The following GABRG3 variants were observed in gnomAD, a reference collection of about 807,000 sequenced individuals.
The protein encoded by GABRG3 is gamma-aminobutyric acid receptor subunit gamma-3.
GABRG3 carries 25 observed loss-of-function variants against 48.8 expected under a neutral mutation model. That is an observed-to-expected ratio of 0.51 (90% CI 0.37 to 0.72). The LOEUF is 0.72. Ranked by LOEUF, GABRG3 falls within the 30% of genes least tolerant of loss-of-function variation. The pLI is 0.00. For synonymous variants in GABRG3, 227 were observed against 217.6 expected, an observed-to-expected ratio of 1.04 and a Z score of -0.38; for missense variants, 394 against 577.9, an observed-to-expected ratio of 0.68 and a Z score of 3.26.
At chr15:27,210,691 G>A (rs1432797646) in intron 3 of GABRG3, among the ~76,000 whole-genome samples, 4 of 152,192 alleles carry the variant, frequency 2.6e-5, no homozygotes, top group Non-Finnish European at 5.9e-5. Flanking sequence ...TGCCATTTTG[G>A]AAGTCAAGTG....
Position 27,146,718 on chromosome 15 carries a change from C to T in GABRG3, c.270+119897C>T, listed in dbSNP as rs532982871. ...TATTGTTAAAATTAAGTTGGTTATG[C>T]GAGCTAGCTTATTGTAAATTAAGAT... On this transcript the variant is annotated intron_variant, in intron 3 of 9. Coordinates refer to ENST00000615808, the MANE Select transcript of GABRG3 (RefSeq NM_033223.5). Among the ~76,000 whole-genome samples the T allele has an allele frequency of 5.3e-5, 8 of 151,920 alleles. No individual in the cohort carries two copies. The South Asian group carries it at 8.3e-4, about 16-fold the overall frequency.
chr15:27,527,535 G>C lies in GABRG3; in HGVS notation c.968G>C (p.Cys323Ser). 1 of 1,614,004 alleles carries C rather than the reference G, an allele frequency of 6.2e-7. No individual in the cohort carries two copies. The highest frequency in any genetic ancestry group is 8.5e-7 in the Non-Finnish European group (1 of 1,179,908). Residue 323 changes from cysteine (C) to serine (S), a missense_variant, in exon 8 of 10, where the codon TGC becomes TCC. Coordinates refer to ENST00000615808, the MANE Select transcript of GABRG3 (RefSeq NM_033223.5). Reference protein sequence around the residue: ...VTAMDLFVTVCFLFVFAALME... With the variant: ...VTAMDLFVTVSFLFVFAALME... ...GCCATGGACCTTTTTGTGACCGTGT[G>C]CTTCCTGTTTGTCTTCGCCGCGCTG...
intron 3 of GABRG3, among the ~76,000 whole-genome samples, chr15:27,126,627 C>A (rs1183536520): frequency 6.6e-6 from 1 of 152,214 alleles, no homozygotes; most frequent in Non-Finnish European, 1.5e-5. Context: ...CCGAGCTCCC[C>A]TGCCCTCTGC....
chr15:27,261,605 AAT>A (rs555479764), intron 3 of GABRG3, among the ~76,000 whole-genome samples: 61 of 151,504 alleles, frequency 4.0e-4, no homozygotes, highest in African/African-American at 1.4e-3. Flanking sequence ...AAATATGTAA[AAT>A]ATTTTTAAAA....
intron 3 of GABRG3, among the ~76,000 whole-genome samples, chr15:27,046,460 G>A (rs1449516913): frequency 6.6e-6 from 1 of 152,162 alleles, no homozygotes; most frequent in Non-Finnish European, 1.5e-5. Flanking sequence ...GCTCACTCCT[G>A]TATTCTCCAG....
At chr15:27,396,442 A>T (rs376491364) in intron 5 of GABRG3, among the ~76,000 whole-genome samples, 10 of 152,360 alleles carry the variant, frequency 6.6e-5, no homozygotes, top group African/African-American at 2.2e-4. Flanking sequence ...AATTAAAACT[A>T]GATTGCAGTA....
chr15:27,316,106 C>T (rs953888179), intron 3 of GABRG3, among the ~76,000 whole-genome samples: 45 of 152,134 alleles, frequency 3.0e-4, no homozygotes, highest in African/African-American at 1.0e-3. Flanking sequence ...AAAAATGGGC[C>T]GGGCGCGGTG....
At chr15:27,182,164 G>T (rs1035543786) in intron 3 of GABRG3, among the ~76,000 whole-genome samples, 6 of 152,054 alleles carry the variant, frequency 3.9e-5, no homozygotes, top group Non-Finnish European at 8.8e-5. Context: ...TCAGCTCTGG[G>T]GATAGTCCCT....
Position 27,313,690 on chromosome 15 carries a change from T to A in GABRG3, c.271-13119T>A, listed in dbSNP as rs369652385. On this transcript the variant is annotated intron_variant, in intron 3 of 9. Coordinates refer to ENST00000615808, the MANE Select transcript of GABRG3 (RefSeq NM_033223.5). ...TCAGTAGCAGAAGGAAAATGTAAAATCATAAATATATTAAAATGAATAATT... is the reference window on the plus strand; with the variant it reads ...TCAGTAGCAGAAGGAAAATGTAAAAACATAAATATATTAAAATGAATAATT... 2.1e-4 allele frequency among the ~76,000 whole-genome samples: 32 copies of A among 152,016 alleles called. No individual in the cohort carries two copies. In the East Asian group the frequency reaches 6.2e-3, roughly 30 times the overall value.
At chr15:27,249,444 T>A (rs1890385270) in intron 3 of GABRG3, among the ~76,000 whole-genome samples, 1 of 152,150 alleles carries the variant, frequency 6.6e-6, no homozygotes, top group Non-Finnish European at 1.5e-5. Flanking sequence ...TGAGACCATC[T>A]CTGTTTTATC....
chr15:27,126,167 G>A (rs1430287316), intron 3 of GABRG3, among the ~76,000 whole-genome samples: 1 of 152,032 alleles, frequency 6.6e-6, no homozygotes, highest in Non-Finnish European at 1.5e-5. Context: ...GAGAGAACAG[G>A]GCTTCTTTAT....
At chr15:27,124,075 G>C (rs763413399) in intron 3 of GABRG3, among the ~76,000 whole-genome samples, 2 of 152,178 alleles carry the variant, frequency 1.3e-5, no homozygotes, top group African/African-American at 4.8e-5. Context: ...CAGCGGTGAG[G>C]AGGTCAACCC....
intron 2 of GABRG3, among the ~76,000 whole-genome samples, chr15:26,997,398 T>C (rs1325718637): frequency 6.6e-6 from 1 of 152,220 alleles, no homozygotes; most frequent in Non-Finnish European, 1.5e-5. Flanking sequence ...ACCCATTTAT[T>C]TGCATTTCTC....
intron 3 of GABRG3, among the ~76,000 whole-genome samples, chr15:27,088,200 G>A (rs773397323): frequency 6.0e-5 from 9 of 150,312 alleles, no homozygotes; most frequent in Non-Finnish European, 1.2e-4. Flanking sequence ...TTGCAGGCGG[G>A]CTCACGTTTG....
rs375055321 is a variant in GABRG3, at chr15:27,326,932, A to G, written c.394A>G (p.Ile132Val). 2 of 1,614,016 alleles carry G rather than the reference A, an allele frequency of 1.2e-6. No individual in the cohort carries two copies. The highest frequency in any genetic ancestry group is 1.7e-6 in the Non-Finnish European group (2 of 1,179,878). The change falls in exon 4 of 10, where the codon ATC becomes GTC. Residue 132 changes from isoleucine (I) to valine (V), a missense_variant. By Grantham distance (29) the Ile-to-Val change is conservative (BLOSUM62 3). Around this residue, in one of 3 missense-constraint regions of GABRG3, gnomAD observed 218 missense variants for 309.9 expected, o/e 0.70. Transcript: ENST00000615808. ...GGGGTTAATCTGGATCCCAGACACC[A>G]TCTTCCGCAATTCTAAAACCGCAGA... is the stretch of plus-strand genomic sequence containing the variant. ...MVGLIWIPDT[I>V]FRNSKTAEAH...
intron 3 of GABRG3, among the ~76,000 whole-genome samples, chr15:27,292,366 C>T (rs1237825671): frequency 1.3e-5 from 2 of 151,284 alleles, no homozygotes; most frequent in South Asian, 2.1e-4. Flanking sequence ...CACCATGGCA[C>T]GTGTATACCT....
chr15:27,178,076 G>A (rs1887803347), intron 3 of GABRG3, among the ~76,000 whole-genome samples: 1 of 152,194 alleles, frequency 6.6e-6, no homozygotes, highest in South Asian at 2.1e-4. Context: ...CCAGATGGAG[G>A]ATTCTTGTCA....
chr15:27,150,444 T>C (rs778461970), intron 3 of GABRG3, among the ~76,000 whole-genome samples: 20 of 152,202 alleles, frequency 1.3e-4, no homozygotes, highest in Non-Finnish European at 2.8e-4. Context: ...TTTCTCAAAA[T>C]GTATTCCGTA....
intron 3 of GABRG3, among the ~76,000 whole-genome samples, chr15:27,064,024 T>G (rs1006803697): frequency 2.6e-5 from 4 of 152,210 alleles, no homozygotes; most frequent in African/African-American, 7.2e-5. Flanking sequence ...ACCAAGCAAC[T>G]GTTTTTGGAG....
Sources: allele counts gnomAD v4.1 joint callset (sites outside exome capture counted in the v4.1 genomes callset), GRCh38; gene constraint gnomAD v4.1.1; regional missense constraint gnomAD v4.1.1; transcripts MANE v1.5; gene names NCBI Gene and HGNC (gene_info 2026-07-23, HGNC 2026-07-21).